The following ATP8A1 variants were observed in gnomAD, a reference collection of about 807,000 sequenced individuals.
ATP8A1 encodes ATPase phospholipid transporting 8A1.
A neutral mutation model predicts 177.7 loss-of-function variants in ATP8A1; 90 were observed. The ratio of observed to expected loss-of-function variants is 0.51; its 90% CI spans 0.43 to 0.60. The LOEUF (loss-of-function observed/expected upper bound fraction) is 0.60, where lower values mean the gene tolerates loss of function less well. Among genes scored for constraint, ATP8A1 ranks in the 20% least tolerant of loss-of-function variants. The pLI, the probability that ATP8A1 is intolerant of heterozygous loss-of-function variation, is 0.00. For synonymous variants in ATP8A1, 493 were observed against 485.9 expected (o/e 1.01, Z -0.19); for missense variants, 1,072 against 1,392.8 (o/e 0.77, Z 3.67).
chr4:42,467,536 A>G (rs923995493), intron 25 of ATP8A1, among the ~76,000 whole-genome samples: 4 of 152,134 alleles, frequency 2.6e-5, no homozygotes, highest in African/African-American at 9.7e-5. Context: ...AAATAAAAAT[A>G]CAAAAAATTA....
chr4:42,488,575 CTCT>C lies in ATP8A1; in HGVS notation c.2152-2910_2152-2908del, dbSNP rs564587670. ...AACAAATTTAAAACACAAATCTTGT[CTCT>C]TCTTGCTTTAAAAATTTTCTAGGGC... On this transcript the variant is annotated intron_variant, in intron 24 of 36. Coordinates refer to ENST00000381668, the MANE Select transcript of ATP8A1 (RefSeq NM_006095.2). Among the ~76,000 whole-genome samples the C allele has an allele frequency of 2.5e-3, 375 of 152,266 alleles. 1 individual carries two copies. Among genetic ancestry groups the C allele is most frequent in the Non-Finnish European group, 4.4e-3 (302 of 68,034 alleles).
At chr4:42,497,486 C>T (rs1286583622) in intron 24 of ATP8A1, among the ~76,000 whole-genome samples, 1 of 152,136 alleles carries the variant, frequency 6.6e-6, no homozygotes, top group Non-Finnish European at 1.5e-5. Context: ...AATTCTAGGT[C>T]TCAGGGAGCT....
At chr4:42,611,608 T>C (rs1736382584) in intron 5 of ATP8A1, among the ~76,000 whole-genome samples, 1 of 92,436 alleles carries the variant, frequency 1.1e-5, no homozygotes, top group Non-Finnish European at 2.9e-5. Flanking sequence ...CTGAACTCCA[T>C]CCATCCTTTC....
chr4:42,450,503 A>G (rs1409443952), intron 30 of ATP8A1, among the ~76,000 whole-genome samples: 1 of 152,248 alleles, frequency 6.6e-6, no homozygotes, highest in African/African-American at 2.4e-5. Flanking sequence ...AAGCCAAACA[A>G]GCAAGCAACA....
chr4:42,470,009 C>T (rs997994365), intron 25 of ATP8A1, among the ~76,000 whole-genome samples: 2 of 152,198 alleles, frequency 1.3e-5, no homozygotes, highest in Non-Finnish European at 2.9e-5. Context: ...GTTTTCTTCC[C>T]TGAGATTGTT....
chr4:42,638,239 T>A (rs1739587999), intron 1 of ATP8A1, among the ~76,000 whole-genome samples: 1 of 152,260 alleles, frequency 6.6e-6, no homozygotes, highest in Non-Finnish European at 1.5e-5. Context: ...ATGACATGTT[T>A]CTTTAAGTGC....
intron 17 of ATP8A1, among the ~76,000 whole-genome samples, chr4:42,551,763 T>G (rs1019305161): frequency 1.1e-4 from 17 of 152,202 alleles, no homozygotes; most frequent in Middle Eastern, 3.2e-3. Context: ...AAAACCTTTT[T>G]ATTGCTAGAG....
At chr4:42,554,114 G>T (rs768331830) in intron 16 of ATP8A1, among the ~76,000 whole-genome samples, 5 of 152,152 alleles carry the variant, frequency 3.3e-5, no homozygotes, top group Non-Finnish European at 7.3e-5. Context: ...ATAGTGAGGG[G>T]ACTTGATTTC....
intron 22 of ATP8A1, among the ~76,000 whole-genome samples, chr4:42,521,938 GAA>G (rs1726170199): frequency 6.6e-6 from 1 of 152,172 alleles, no homozygotes; most frequent in Admixed American, 6.5e-5. Flanking sequence ...CCAAAATTGT[GAA>G]AAGAGTGAAG....
chr4:42,624,643 A>T lies in ATP8A1; in HGVS notation c.265-9T>A. The T allele has an allele frequency of 1.3e-4, 3 of 23,086 alleles. No homozygotes were observed. Among genetic ancestry groups the T allele is most frequent in the Non-Finnish European group, 2.1e-4 (3 of 13,988 alleles). 1.4% of individuals were successfully genotyped at this position (23,086 alleles called of 1,614,324 possible). A position where few individuals can be genotyped will look rare whatever the true frequency, so the allele number is the denominator to read the frequency against. On this transcript the variant is annotated splice_polypyrimidine_tract_variant and intron_variant, in intron 3 of 36. Transcript: ENST00000381668. ...GACACATCAGGTATTTGCTGTTTGG[A>T]AAAAAAAAAAAAAGAGAAATCCAAT... is the stretch of plus-strand genomic sequence containing the variant.
At chr4:42,440,900 C>A (rs1465259297) in intron 33 of ATP8A1, among the ~76,000 whole-genome samples, 1 of 122,922 alleles carries the variant, frequency 8.1e-6, no homozygotes, top group Non-Finnish European at 1.7e-5. Context: ...TTTTGGGCAA[C>A]CAAAACACAC....
At position 42,479,646 on chromosome 4, in the gene ATP8A1, C is replaced by G. The variant is rs577160370; in HGVS notation, c.2324+5850G>C. Reference sequence around the variant, plus strand: ...CTGATTTTGTAAAGCTTTGGGGAGGCCTTCAGTAGAAAGCTACAGAGCACT... The same window carrying G: ...CTGATTTTGTAAAGCTTTGGGGAGGGCTTCAGTAGAAAGCTACAGAGCACT... On this transcript the variant is annotated intron_variant, in intron 25 of 36. Coordinates refer to ENST00000381668, the MANE Select transcript of ATP8A1 (RefSeq NM_006095.2). 2.6e-5 allele frequency among the ~76,000 whole-genome samples: 4 copies of G among 152,236 alleles called. No individual in the cohort carries two copies. The South Asian group carries it at 6.2e-4, about 24-fold the overall frequency.
intron 5 of ATP8A1, among the ~76,000 whole-genome samples, chr4:42,606,651 T>C (rs910959090): frequency 1.8e-4 from 27 of 152,212 alleles, no homozygotes; most frequent in Admixed American, 4.6e-4. Context: ...AGAGCTGTCC[T>C]TGCCCTGTGT....
intron 9 of ATP8A1, among the ~76,000 whole-genome samples, chr4:42,585,048 T>G (rs984970333): frequency 1.3e-5 from 2 of 152,166 alleles, no homozygotes; most frequent in African/African-American, 4.8e-5. Context: ...CAGGCACTTT[T>G]CCACTTGAAG....
At chr4:42,522,519 T>C (rs1726242517) in intron 21 of ATP8A1, among the ~76,000 whole-genome samples, 1 of 152,210 alleles carries the variant, frequency 6.6e-6, no homozygotes, top group South Asian at 2.1e-4. Context: ...CCCAACCCTT[T>C]TAATCCATCT....
At chr4:42,529,931 A>G (rs1266841016) in intron 20 of ATP8A1, among the ~76,000 whole-genome samples, 2 of 143,532 alleles carry the variant, frequency 1.4e-5, no homozygotes, top group East Asian at 1.9e-4. Flanking sequence ...TGGAAGAAGC[A>G]TGACTGGAAA....
intron 9 of ATP8A1, among the ~76,000 whole-genome samples, chr4:42,582,227 A>G (rs913817374): frequency 2.0e-5 from 3 of 152,196 alleles, no homozygotes; most frequent in African/African-American, 7.2e-5. Flanking sequence ...CTGATCTCAG[A>G]TGTTTAGCCT....
chr4:42,525,676 T>G (rs1472562313), intron 20 of ATP8A1, among the ~76,000 whole-genome samples: 2 of 152,246 alleles, frequency 1.3e-5, no homozygotes, highest in East Asian at 3.8e-4. Context: ...TTTGGTTTAG[T>G]GCTTTAAGAA....
chr4:42,607,816 A>T (rs547752255), intron 5 of ATP8A1, among the ~76,000 whole-genome samples: 1 of 150,654 alleles, frequency 6.6e-6, no homozygotes, highest in African/African-American at 2.4e-5. Context: ...GGAAGATGAC[A>T]TTCCTCCAAT....
Sources: gnomAD v4.1 joint callset for allele counts (sites outside exome capture counted in the v4.1 genomes callset) on GRCh38, gnomAD v4.1.1 for gene constraint, MANE v1.5 for transcripts, NCBI Gene and HGNC (gene_info 2026-07-23, HGNC 2026-07-21) for gene names.